The following SEMA7A variants were observed in gnomAD, a reference collection of about 807,000 sequenced individuals.
SEMA7A encodes the protein semaphorin 7A (JohnMiltonHagen blood group).
A neutral mutation model predicts 67.5 loss-of-function variants in SEMA7A; 21 were observed. The ratio of observed to expected loss-of-function variants is 0.31; its 90% CI spans 0.22 to 0.45. The LOEUF is 0.45. Ranked by LOEUF, SEMA7A falls within the 20% of genes least tolerant of loss-of-function variation. The probability of loss-of-function intolerance (pLI) is 1.00; values close to 1 mark genes in which losing one functional copy is unlikely to be tolerated. For missense variants in SEMA7A, 774 were observed against 908.6 expected, an observed-to-expected ratio of 0.85 and a Z score of 1.90; for synonymous variants, 364 against 368.5, an observed-to-expected ratio of 0.99 and a Z score of 0.14.
chr15:74,429,138 G>A (rs1406549623), intron 1 of SEMA7A, among the ~76,000 whole-genome samples: 1 of 152,216 alleles, frequency 6.6e-6, no homozygotes, highest in African/African-American at 2.4e-5. Context: ...GGCCAAAAAA[G>A]GAAATCAAGA....
chr15:74,431,702 C>A (rs767374399), intron 1 of SEMA7A, among the ~76,000 whole-genome samples: 4 of 152,232 alleles, frequency 2.6e-5, no homozygotes, highest in African/African-American at 7.2e-5. Flanking sequence ...CATGTGTCAC[C>A]CCACAGGAGA....
chr15:74,415,100 T>C (rs1197615494), intron 8 of SEMA7A, among the ~76,000 whole-genome samples, 154 bp from the exon 9 acceptor site: 2 of 152,166 alleles, frequency 1.3e-5, no homozygotes, highest in African/African-American at 4.8e-5. Context: ...TTCAGCCTAA[T>C]TTCTTTGTGC....
chr15:74,429,713 T>C (rs1458385217), intron 1 of SEMA7A, among the ~76,000 whole-genome samples: 1 of 152,182 alleles, frequency 6.6e-6, no homozygotes, highest in Non-Finnish European at 1.5e-5. Context: ...CCCTCACCTA[T>C]GCCCATCTGG....
rs2141268605 is a variant in SEMA7A, at chr15:74,411,242, G to C, written c.1639+53C>G. 2 of 1,571,886 alleles carry C rather than the reference G, an allele frequency of 1.3e-6. No homozygotes were observed. Among genetic ancestry groups the C allele is most frequent in the Non-Finnish European group, 1.7e-6 (2 of 1,146,650 alleles). ...CCCTCAGACCAGGACAATCAGGGCA[G>C]GGCAGTACCCCACTCATTGGGCCAC... On this transcript the variant is annotated intron_variant, in intron 13 of 13. Transcript: ENST00000261918. The surrounding 1 kb of genome is among the most constrained non-coding windows in gnomAD (Gnocchi z 4.4).
chr15:74,428,833 C>T (rs951792756), intron 1 of SEMA7A, among the ~76,000 whole-genome samples: 2 of 152,214 alleles, frequency 1.3e-5, no homozygotes, highest in Admixed American at 6.5e-5. Flanking sequence ...GCTTGGAGAG[C>T]CACCCCATAC....
chr15:74,429,299 C>G (rs1293167771), intron 1 of SEMA7A, among the ~76,000 whole-genome samples: 1 of 151,394 alleles, frequency 6.6e-6, no homozygotes, highest in Non-Finnish European at 1.5e-5. Context: ...GCTGCCAGAC[C>G]TGCCCCCTGG....
In SEMA7A at chr15:74,410,442, C is replaced by T; in HGVS notation, c.*182G>A. On this transcript the variant is annotated 3_prime_UTR_variant, in exon 14 of 14. Coordinates refer to ENST00000261918, the MANE Select transcript of SEMA7A (RefSeq NM_003612.5). The surrounding 1 kb of genome is among the most constrained non-coding windows in gnomAD (Gnocchi z 7.5). ...TTCTCAGCCCCTCACCATCCGTGCG[C>T]CACCTGGGGCCCAGCAGCCGCCTGC... 1 of 848,154 alleles carries T rather than the reference C, an allele frequency of 1.2e-6. No homozygotes were observed. Among genetic ancestry groups the T allele is most frequent in the Non-Finnish European group, 1.8e-6 (1 of 565,290 alleles). The allele number at this position is 848,154 out of a possible 1,614,324, so 52.5% of individuals were successfully genotyped here.
Position 74,414,990 on chromosome 15 carries a change from A to G in SEMA7A, c.987-44T>C. 6.6e-7 allele frequency: 1 copy of G among 1,510,486 alleles called. No homozygotes were observed. Among genetic ancestry groups the G allele is most frequent in the Non-Finnish European group, 9.2e-7 (1 of 1,091,772 alleles). 93.6% of individuals were successfully genotyped at this position (1,510,486 alleles called of 1,614,324 possible). ...CAGCTCAATGGGGGGCCCAGAACCCACCCATCCACCTCCACTCACCCAGGC... is the reference window on the plus strand; with the variant it reads ...CAGCTCAATGGGGGGCCCAGAACCCGCCCATCCACCTCCACTCACCCAGGC... On this transcript the variant is annotated intron_variant, in intron 8 of 13. Coordinates refer to ENST00000261918, the MANE Select transcript of SEMA7A (RefSeq NM_003612.5). The surrounding 1 kb of genome is among the most constrained non-coding windows in gnomAD (Gnocchi z 4.1).
chr15:74,425,902 A>G (rs1298824786), intron 1 of SEMA7A, among the ~76,000 whole-genome samples: 1 of 152,172 alleles, frequency 6.6e-6, no homozygotes, highest in Non-Finnish European at 1.5e-5. Flanking sequence ...CTGTGCAGAT[A>G]GGCCAGTGAC....
rs773100301 is a variant in SEMA7A, at chr15:74,414,736, C to G, written c.1105G>C (p.Asp369His). The G allele has an allele frequency of 6.2e-7, 1 of 1,614,086 alleles. No homozygotes were observed. Among genetic ancestry groups the G allele is most frequent in the Admixed American group, 1.7e-5 (1 of 60,024 alleles). Residue 369 changes from aspartate to histidine, a missense_variant, in exon 10 of 14, where the codon GAC becomes CAC. This residue lies in a region of SEMA7A where 427 missense variants were observed against 555.4 expected (regional missense o/e 0.77). Coordinates refer to ENST00000261918, the MANE Select transcript of SEMA7A (RefSeq NM_003612.5). The surrounding 1 kb of genome is among the most constrained non-coding windows in gnomAD (Gnocchi z 4.1). The part of the protein sequence containing the change: ...PNPRPGKCLP[D>H]QQPIPTETFQ... ...GTCTCTGTGGGTATCGGCTGCTGGT[C>G]TGGGAGGCACTGGGCAAGGAGAGCA...
At chr15:74,431,946 C>CG (rs1204264422) in intron 1 of SEMA7A, among the ~76,000 whole-genome samples, 15 of 151,956 alleles carry the variant, frequency 9.9e-5, no homozygotes, top group South Asian at 4.2e-4. Flanking sequence ...GAACTGCGGG[C>CG]GGGGGGGTAG....
rs1202738645 is a variant in SEMA7A, at chr15:74,423,708, C to A, written c.179-4756G>T. On this transcript the variant is annotated intron_variant, in intron 1 of 13. Coordinates refer to ENST00000261918, the MANE Select transcript of SEMA7A (RefSeq NM_003612.5). The surrounding 1 kb of genome is among the most constrained non-coding windows in gnomAD (Gnocchi z 4.1). ...GCCTTTAGTGATCAAAGCCTTAAAT[C>A]CAAAGGAGTGACTAATGGTGGAAGT... Among the ~76,000 whole-genome samples, 2 of 152,274 alleles carry A rather than the reference C, an allele frequency of 1.3e-5. No homozygotes were observed. Among genetic ancestry groups the A allele is most frequent in the African/African-American group, 4.8e-5 (2 of 41,544 alleles).
At chr15:74,420,718 C>T (rs1375626248) in intron 1 of SEMA7A, among the ~76,000 whole-genome samples, 3 of 152,126 alleles carry the variant, frequency 2.0e-5, no homozygotes, top group Non-Finnish European at 4.4e-5. Context: ...ACTCAGCTCC[C>T]GTAACTCCCC....
Position 74,411,271 on chromosome 15 carries a change from C to G in SEMA7A, c.1639+24G>C, listed in dbSNP as rs777007389. 1.2e-6 allele frequency: 2 copies of G among 1,611,156 alleles called. No homozygotes were observed. The highest frequency in any genetic ancestry group is 4.5e-5 in the East Asian group (2 of 44,872). On this transcript the variant is annotated intron_variant, in intron 13 of 13. Coordinates refer to ENST00000261918, the MANE Select transcript of SEMA7A (RefSeq NM_003612.5). This position sits in a 1 kb window ranked among gnomAD's most constrained non-coding sequence, Gnocchi z 4.4. The stretch of plus-strand genomic sequence containing the variant: ...AGTACCCCACTCATTGGGCCACAGC[C>G]GCCAGCAGGGCCAGATCAGGTACCT...
At chr15:74,418,026 G>GC (rs2060967336) in intron 3 of SEMA7A, 57 bp from the exon 4 acceptor site, 1 of 1,565,626 alleles carries the variant, frequency 6.4e-7, no homozygotes, top group Non-Finnish European at 8.8e-7. Context: ...GCCCTGGCAA[G>GC]CCTAGCACTA....
chr15:74,418,830 G>T lies in SEMA7A; in HGVS notation c.301C>A (p.Pro101Thr). 6.2e-7 allele frequency: 1 copy of T among 1,613,906 alleles called. No individual in the cohort carries two copies. The highest frequency in any genetic ancestry group is 8.5e-7 in the Non-Finnish European group (1 of 1,179,986). ...GRGKVYLFDF[P>T]EGKNASVRTV... ...CGCACAGATGCGTTCTTGCCCTCGGGGAAGTCAAAGAGGTAGACCTTGCCA... is the reference window on the plus strand; with the variant it reads ...CGCACAGATGCGTTCTTGCCCTCGGTGAAGTCAAAGAGGTAGACCTTGCCA... The change falls in exon 2 of 14, where the codon CCC becomes ACC. Residue 101 changes from proline to threonine, a missense_variant. Pro to Thr is a conservative substitution (Grantham distance 38). Transcript: ENST00000261918.
intron 1 of SEMA7A, among the ~76,000 whole-genome samples, chr15:74,432,714 C>A (rs976870675): frequency 6.6e-6 from 1 of 152,172 alleles, no homozygotes; most frequent in Non-Finnish European, 1.5e-5. Context: ...CCGACCAGTT[C>A]CCCCAGCCCC....
chr15:74,421,182 G>A (rs2060997476), intron 1 of SEMA7A, among the ~76,000 whole-genome samples: 1 of 152,214 alleles, frequency 6.6e-6, no homozygotes, highest in Admixed American at 6.5e-5. Flanking sequence ...GGGTCCTGGA[G>A]AGCAAGGTCT....
Position 74,414,771 on chromosome 15 carries a change from C to T in SEMA7A, c.1096-26G>A. ...CTGGGCAAGGAGAGCAGGCCCAGGTCAGTGGGGTGGTGGGAGGTGAGGCAG... is the reference window on the plus strand; with the variant it reads ...CTGGGCAAGGAGAGCAGGCCCAGGTTAGTGGGGTGGTGGGAGGTGAGGCAG... On this transcript the variant is annotated intron_variant, in intron 9 of 13. Coordinates refer to ENST00000261918, the MANE Select transcript of SEMA7A (RefSeq NM_003612.5). This position sits in a 1 kb window ranked among gnomAD's most constrained non-coding sequence, Gnocchi z 4.1. 6.2e-7 allele frequency: 1 copy of T among 1,613,956 alleles called. No individual in the cohort carries two copies. Among genetic ancestry groups the T allele is most frequent in the Non-Finnish European group, 8.5e-7 (1 of 1,179,974 alleles).
Sources: gnomAD v4.1 joint callset for allele counts (sites outside exome capture counted in the v4.1 genomes callset) on GRCh38, gnomAD v4.1.1 for gene constraint, gnomAD v4.1.1 regional missense constraint, Gnocchi (gnomAD v3.1) non-coding constraint, MANE v1.5 for transcripts, NCBI Gene and HGNC (gene_info 2026-07-23, HGNC 2026-07-21) for gene names.